Variants in LPIN1 observed in about 807,000 individuals in gnomAD.
LPIN1 encodes the protein phosphatidate phosphatase LPIN1.
In LPIN1, 71 loss-of-function variants were observed where a neutral mutation model predicts 107.5. That is an observed-to-expected ratio of 0.66 (90% CI 0.55 to 0.80). The LOEUF is 0.80. Among genes scored for constraint, LPIN1 ranks in the 30% least tolerant of loss-of-function variants. The pLI is 0.00. For synonymous variants in LPIN1, 445 were observed against 452.6 expected (o/e 0.98, Z 0.21); for missense variants, 1,043 against 1,160.6 (o/e 0.90, Z 1.47).
At chr2:11,760,654 A>C (rs1373420782) in intron 1 of LPIN1, among the ~76,000 whole-genome samples, 1 of 152,060 alleles carries the variant, frequency 6.6e-6, no homozygotes, top group African/African-American at 2.4e-5. Flanking sequence ...TCGGCTCGGC[A>C]TCAGAGGGAG....
At chr2:11,809,422 CT>C (rs201131224) in intron 17 of LPIN1, among the ~76,000 whole-genome samples, 8 of 147,996 alleles carry the variant, frequency 5.4e-5, no homozygotes, top group African/African-American at 2.5e-5. Context: ...TTGTTAGGGT[CT>C]TTTTTTTTTG....
chr2:11,788,414 C>G lies in LPIN1; in HGVS notation c.1671C>G (p.Pro557=). The G allele has an allele frequency of 6.2e-7, 1 of 1,613,942 alleles. No individual in the cohort carries two copies. Among genetic ancestry groups the G allele is most frequent in the East Asian group, 2.2e-5 (1 of 44,882 alleles). Residue 557 remains proline (P), a synonymous_variant, in exon 12 of 21, where the codon CCC becomes CCG. Coordinates refer to ENST00000674199, the MANE Select transcript of LPIN1 (RefSeq NM_001349206.2). The part of the protein sequence containing the change: ...SKYYNWTTAA[P]LLLAMQAFQK... ...ATTATAACTGGACAACAGCAGCACC[C>G]CTCCTCCTGGCAATGCAGGCCTTCC...
At chr2:11,795,619 G>T in intron 14 of LPIN1, 132 bp downstream of exon 14, 1 of 851,074 alleles carries the variant, frequency 1.2e-6, no homozygotes, top group Non-Finnish European at 2.0e-6. Flanking sequence ...TGGTGACCTG[G>T]AGCAATTTAT....
At chr2:11,815,702 C>T (rs1007795246) in intron 18 of LPIN1, among the ~76,000 whole-genome samples, 3 of 152,096 alleles carry the variant, frequency 2.0e-5, no homozygotes, top group Non-Finnish European at 2.9e-5. Context: ...CTGCGAACCA[C>T]CATCATTCAC....
intron 1 of LPIN1, among the ~76,000 whole-genome samples, chr2:11,740,655 G>A (rs1396932097): frequency 2.3e-5 from 3 of 130,166 alleles, no homozygotes; most frequent in Admixed American, 9.3e-5. Context: ...CTGCACTCCA[G>A]CCTGGGTGAC....
intron 1 of LPIN1, among the ~76,000 whole-genome samples, chr2:11,696,858 C>T (rs892637771): frequency 3.9e-5 from 6 of 152,268 alleles, no homozygotes; most frequent in Admixed American, 3.9e-4. Flanking sequence ...GGTCTCCTGT[C>T]AGCCTCGAAG....
chr2:11,742,889 G>A (rs1036762079), upstream of LPIN1, among the ~76,000 whole-genome samples: 7 of 152,222 alleles, frequency 4.6e-5, no homozygotes, highest in Admixed American at 1.3e-4. Flanking sequence ...GCACCTGTGC[G>A]TGCCTGACTG....
At chr2:11,712,178 T>C (rs1663460662) in intron 1 of LPIN1, among the ~76,000 whole-genome samples, 1 of 152,168 alleles carries the variant, frequency 6.6e-6, no homozygotes, top group Non-Finnish European at 1.5e-5. Context: ...GCTCAACTAC[T>C]CTGGAATCAT....
intron 1 of LPIN1, chr2:11,681,350 A>T (rs1198556572): frequency 6.6e-6 from 1 of 152,294 alleles, no homozygotes; most frequent in Non-Finnish European, 1.5e-5. Context: ...TGATTGGATC[A>T]TGGTGGCCGA....
chr2:11,694,730 T>C (rs1662485031), intron 1 of LPIN1, among the ~76,000 whole-genome samples: 1 of 152,232 alleles, frequency 6.6e-6, no homozygotes. Flanking sequence ...TTTTATACTC[T>C]GGGTTCTCTT....
At chr2:11,694,666 T>C (rs1662481800) in intron 1 of LPIN1, among the ~76,000 whole-genome samples, 2 of 152,216 alleles carry the variant, frequency 1.3e-5, no homozygotes, top group Admixed American at 1.3e-4. Flanking sequence ...GCCCAGCACC[T>C]AGCACAGGGC....
At chr2:11,733,863 C>A (rs942288401) in intron 1 of LPIN1, among the ~76,000 whole-genome samples, 2 of 152,218 alleles carry the variant, frequency 1.3e-5, no homozygotes, top group African/African-American at 4.8e-5. Flanking sequence ...ACATTGTGAG[C>A]ACCCAAGTTC....
intron 1 of LPIN1, among the ~76,000 whole-genome samples, chr2:11,753,672 A>G (rs1668210038): frequency 6.6e-6 from 1 of 152,214 alleles, no homozygotes; most frequent in African/African-American, 2.4e-5. Flanking sequence ...TGTCACAGGT[A>G]ATTCATCACC....
chr2:11,751,839 G>A (rs1667843078), intron 1 of LPIN1, among the ~76,000 whole-genome samples: 1 of 152,098 alleles, frequency 6.6e-6, no homozygotes, highest in African/African-American at 2.4e-5. Context: ...GTAACACAGC[G>A]AAACTCCGTC....
rs138781941 is a variant in LPIN1 at position 11,771,424 on chromosome 2, C to T, written c.341C>T (p.Ser114Leu). 4.5e-5 allele frequency: 73 copies of T among 1,614,106 alleles called. No homozygotes were observed. The highest frequency in any genetic ancestry group is 3.7e-4 in the African/African-American group (28 of 74,938). The change falls in exon 4 of 21, where the codon TCG becomes TTG. Residue 114 changes from serine (S) to leucine (L), a missense_variant. By Grantham distance (145) the Ser-to-Leu change is moderately radical. Transcript: ENST00000674199. This position sits in a 1 kb window ranked among gnomAD's most constrained non-coding sequence, Gnocchi z 4.8. ...TCCCCCATCCTGTCAGAAGGAGCTT[C>T]GAGAATGGAATGCCAGCTGAAAAGG... is the stretch of plus-strand genomic sequence containing the variant. ...ATSPILSEGA[S>L]RMECQLKRGS...
intron 17 of LPIN1, among the ~76,000 whole-genome samples, chr2:11,814,771 C>T (rs1040658251): frequency 2.0e-5 from 3 of 152,064 alleles, no homozygotes; most frequent in African/African-American, 7.2e-5. Context: ...GGGGCTCAAG[C>T]GCAGGCAGGT....
chr2:11,773,590 T>G (rs781695359), intron 4 of LPIN1, 30 bp from the exon 5 acceptor site: 2 of 1,595,238 alleles, frequency 1.3e-6, no homozygotes, highest in Non-Finnish European at 1.7e-6. Flanking sequence ...TAAGAATTCT[T>G]TGACTTTAAT....
chr2:11,805,227 C>T (rs1304812978), intron 17 of LPIN1, 71 bp downstream of exon 17: 1 of 1,202,384 alleles, frequency 8.3e-7, no homozygotes, highest in East Asian at 2.3e-5. Context: ...CATATGGAAT[C>T]TTTCCTGTCC....
intron 18 of LPIN1, 68 bp from the exon 19 acceptor site, chr2:11,819,416 C>A: frequency 9.5e-7 from 1 of 1,052,766 alleles, no homozygotes; most frequent in South Asian, 1.3e-5. Context: ...GCTTTGTCAG[C>A]TAAAAACAGT....
Sources: allele counts gnomAD v4.1 joint callset (sites outside exome capture counted in the v4.1 genomes callset), GRCh38; gene constraint gnomAD v4.1.1; non-coding constraint Gnocchi (gnomAD v3.1); transcripts MANE v1.5; gene names NCBI Gene and HGNC (gene_info 2026-07-23, HGNC 2026-07-21).